STXBP6: variants seen among roughly 807,000 people sequenced by gnomAD.
STXBP6 encodes syntaxin-binding protein 6.
STXBP6 carries 21 observed loss-of-function variants against 26.9 expected under a neutral mutation model. The ratio of observed to expected loss-of-function variants is 0.78; its 90% CI spans 0.55 to 1.12. STXBP6 has a LOEUF of 1.12. STXBP6 is among the 50% of genes most tolerant of loss of function. The pLI is 0.00. For missense variants in STXBP6, 232 were observed against 257.9 expected (o/e 0.90, Z 0.69); for synonymous variants, 97 against 92.6 (o/e 1.05, Z -0.27).
In STXBP6 at chr14:25,049,903, C is replaced by T. The variant is rs1045802387; in HGVS notation, c.-58G>A. 6.1e-6 allele frequency: 6 copies of T among 983,084 alleles called. No individual in the cohort carries two copies. The African/African-American group carries it at 7.0e-5, about 11-fold the overall frequency. The allele number at this position is 983,084 out of a possible 1,614,324, so 60.9% of individuals were successfully genotyped here. A position where few individuals can be genotyped will look rare whatever the true frequency, so the allele number is the denominator to read the frequency against. On this transcript the variant is annotated 5_prime_UTR_variant, in exon 1 of 6. Coordinates refer to ENST00000323944, the MANE Select transcript of STXBP6 (RefSeq NM_001394410.1). The surrounding 1 kb of genome is among the most constrained non-coding windows in gnomAD (Gnocchi z 5.6). ...CGTGCAGCCTGGCTCGCGCCCCTGC[C>T]GTGCCAGTGCGCGGCACGCGTCCCA...
At chr14:24,851,250 T>TC (rs1446410661) in intron 4 of STXBP6, among the ~76,000 whole-genome samples, 1 of 151,342 alleles carries the variant, frequency 6.6e-6, no homozygotes, top group Non-Finnish European at 1.5e-5. Flanking sequence ...TTTTTTTTTT[T>TC]TTATACTTTA....
chr14:25,029,642 G>C (rs2075415049), intron 1 of STXBP6, among the ~76,000 whole-genome samples: 1 of 152,044 alleles, frequency 6.6e-6, no homozygotes, highest in Non-Finnish European at 1.5e-5. Flanking sequence ...CAACCACAAA[G>C]ACTCCTATAT....
rs187694874 is a variant in STXBP6 at position 24,859,601 on chromosome 14, G to A, written c.155-2444C>T. Among the ~76,000 whole-genome samples, 6 of 152,190 alleles carry A rather than the reference G, an allele frequency of 3.9e-5. No individual in the cohort carries two copies. In the East Asian group the frequency reaches 1.2e-3, roughly 29 times the overall value. On this transcript the variant is annotated intron_variant, in intron 2 of 5. Transcript: ENST00000323944. Reference sequence around the variant, plus strand: ...TACGCCAGTCACACAAAATCCAGATGTCTAGTGAAAAACAGTGATTCACCT... The same window carrying A: ...TACGCCAGTCACACAAAATCCAGATATCTAGTGAAAAACAGTGATTCACCT...
chr14:25,042,894 G>T (rs1003300681), intron 1 of STXBP6, among the ~76,000 whole-genome samples: 11 of 152,150 alleles, frequency 7.2e-5, no homozygotes, highest in Non-Finnish European at 1.5e-4. Context: ...CATGCCTCTT[G>T]GACCCAAATA....
chr14:24,821,154 T>G (rs1830779930), intron 4 of STXBP6, among the ~76,000 whole-genome samples: 1 of 152,190 alleles, frequency 6.6e-6, no homozygotes, highest in African/African-American at 2.4e-5. Context: ...TTTTCCTGCC[T>G]CCTTCCATAT....
At chr14:24,905,493 C>T (rs1263794138) in intron 2 of STXBP6, among the ~76,000 whole-genome samples, 2 of 152,164 alleles carry the variant, frequency 1.3e-5, no homozygotes, top group African/African-American at 4.8e-5. Context: ...GTCCTTTGCT[C>T]TCCTATTCCT....
intron 1 of STXBP6, among the ~76,000 whole-genome samples, chr14:25,033,204 C>T (rs2075491644): frequency 6.6e-6 from 1 of 152,184 alleles, no homozygotes; most frequent in South Asian, 2.1e-4. Flanking sequence ...ACTGAAGAGC[C>T]AACTCTGGCA....
intron 2 of STXBP6, among the ~76,000 whole-genome samples, chr14:24,882,046 G>T (rs956522707): frequency 1.3e-5 from 2 of 152,022 alleles, no homozygotes; most frequent in Non-Finnish European, 2.9e-5. Context: ...TACCTGAACT[G>T]CCCATCAATG....
chr14:24,893,671 G>A (rs2070872901), intron 2 of STXBP6, among the ~76,000 whole-genome samples: 1 of 152,178 alleles, frequency 6.6e-6, no homozygotes, highest in African/African-American at 2.4e-5. Context: ...AAAAATTAGG[G>A]CTACAGGGAT....
intron 2 of STXBP6, among the ~76,000 whole-genome samples, chr14:24,935,478 G>C (rs2072562102): frequency 6.6e-6 from 1 of 152,092 alleles, no homozygotes; most frequent in South Asian, 2.1e-4. Flanking sequence ...GTAAGAAAGA[G>C]CCAAACTAAG....
intron 2 of STXBP6, among the ~76,000 whole-genome samples, chr14:24,930,884 G>C (rs1405753454): frequency 1.3e-5 from 2 of 150,884 alleles, no homozygotes; most frequent in Non-Finnish European, 1.5e-5. Context: ...GGCCGAGGCG[G>C]GTGGATCATG....
intron 1 of STXBP6, among the ~76,000 whole-genome samples, chr14:25,045,435 A>G (rs1410060328): frequency 6.6e-6 from 1 of 152,082 alleles, no homozygotes; most frequent in Non-Finnish European, 1.5e-5. Context: ...CTGCTCAGCA[A>G]TTCAATCAGC....
intron 4 of STXBP6, among the ~76,000 whole-genome samples, chr14:24,823,079 T>C (rs1301286021): frequency 6.6e-6 from 1 of 152,166 alleles, no homozygotes; most frequent in East Asian, 1.9e-4. Flanking sequence ...GTAAATAAAG[T>C]CAACTACTTT....
At chr14:24,863,750 A>G (rs1048473888) in intron 2 of STXBP6, among the ~76,000 whole-genome samples, 1 of 151,770 alleles carries the variant, frequency 6.6e-6, no homozygotes, top group East Asian at 2.0e-4. Context: ...AGGTTTCCCA[A>G]TATGTTTGAT....
intron 2 of STXBP6, among the ~76,000 whole-genome samples, chr14:24,897,227 G>A (rs1453716306): frequency 2.0e-5 from 3 of 151,752 alleles, no homozygotes; most frequent in South Asian, 2.1e-4. Flanking sequence ...TGGCTAACAC[G>A]GTGAAACCCT....
At chr14:24,931,419 G>T (rs1268848967) in intron 2 of STXBP6, among the ~76,000 whole-genome samples, 1 of 152,192 alleles carries the variant, frequency 6.6e-6, no homozygotes, top group Non-Finnish European at 1.5e-5. Flanking sequence ...ATCTGGATGT[G>T]TAAAAAAAAG....
chr14:24,986,194 A>T (rs1015198378), intron 1 of STXBP6, among the ~76,000 whole-genome samples: 1 of 152,196 alleles, frequency 6.6e-6, no homozygotes, highest in African/African-American at 2.4e-5. Flanking sequence ...CCTCTAGCCC[A>T]TAGAGTTCTA....
At chr14:25,042,083 G>A (rs2140508430) in intron 1 of STXBP6, among the ~76,000 whole-genome samples, 1 of 152,334 alleles carries the variant, frequency 6.6e-6, no homozygotes. Flanking sequence ...CCAGAAGAAA[G>A]AGGATCCATC....
intron 2 of STXBP6, among the ~76,000 whole-genome samples, chr14:24,885,661 T>C (rs1183654371): frequency 6.6e-6 from 1 of 152,242 alleles, no homozygotes; most frequent in African/African-American, 2.4e-5. Flanking sequence ...TTGTCTCAGT[T>C]ATCAGCTCAA....
Sources: allele counts gnomAD v4.1 joint callset (sites outside exome capture counted in the v4.1 genomes callset), GRCh38; gene constraint gnomAD v4.1.1; non-coding constraint Gnocchi (gnomAD v3.1); transcripts MANE v1.5; gene names NCBI Gene and HGNC (gene_info 2026-07-23, HGNC 2026-07-21).